The following AUTS2 variants were observed in gnomAD, a reference collection of about 807,000 sequenced individuals.
AUTS2 encodes autism susceptibility gene 2 protein.
AUTS2 carries 17 observed loss-of-function variants against 112.4 expected under a neutral mutation model. That is an observed-to-expected ratio of 0.15 (90% CI 0.10 to 0.23). AUTS2 has a LOEUF of 0.23. AUTS2 is among the 10% of genes least tolerant of loss of function. AUTS2 has a pLI of 1.00. For synonymous variants in AUTS2, 751 were observed against 702.7 expected (o/e 1.07, Z -1.09); for missense variants, 1,510 against 1,701.6 (o/e 0.89, Z 1.98).
In AUTS2 at chr7:70,667,607, C is replaced by T. The variant is rs1368759584; in HGVS notation, c.691-30962C>T. Among the ~76,000 whole-genome samples the T allele has an allele frequency of 2.6e-5, 4 of 152,192 alleles. No individual in the cohort carries two copies. The South Asian group carries it at 6.2e-4, about 24-fold the overall frequency. On this transcript the variant is annotated intron_variant, in intron 5 of 18. Coordinates refer to ENST00000342771, the MANE Select transcript of AUTS2 (RefSeq NM_015570.4). The stretch of plus-strand genomic sequence containing the variant: ...GTTACCAAAGGAATGTGGAAAAGAG[C>T]TTGTTGGCCCATTGCTGATGCTTCT...
intron 6 of AUTS2, among the ~76,000 whole-genome samples, chr7:70,744,205 A>G (rs747474019): frequency 1.3e-5 from 2 of 152,202 alleles, no homozygotes; most frequent in Non-Finnish European, 2.9e-5. Context: ...AGTACTGTCT[A>G]GATCTGAGTA....
intron 5 of AUTS2, among the ~76,000 whole-genome samples, chr7:70,570,432 C>T (rs1423147713): frequency 6.6e-6 from 1 of 152,202 alleles, no homozygotes; most frequent in Non-Finnish European, 1.5e-5. Context: ...TAATTGACTT[C>T]TTCATATTCA....
At chr7:70,120,671 G>T (rs1039555337) in intron 3 of AUTS2, among the ~76,000 whole-genome samples, 4 of 151,980 alleles carry the variant, frequency 2.6e-5, no homozygotes, top group Non-Finnish European at 5.9e-5. Context: ...GGATCTTTTG[G>T]CTTGTTTCCT....
At chr7:70,789,714 C>T in intron 18 of AUTS2, 34 bp from the exon 19 acceptor site, 1 of 1,589,816 alleles carries the variant, frequency 6.3e-7, no homozygotes. Flanking sequence ...CCTTTCATTT[C>T]ATCTGCGTCC....
chr7:69,695,803 T>A (rs1797535184), intron 1 of AUTS2, among the ~76,000 whole-genome samples: 1 of 152,246 alleles, frequency 6.6e-6, no homozygotes, highest in Admixed American at 6.5e-5. Flanking sequence ...ACTCTAATTT[T>A]GAATTTCTTG....
At chr7:70,071,026 A>G (rs1802743496) in intron 2 of AUTS2, among the ~76,000 whole-genome samples, 1 of 152,178 alleles carries the variant, frequency 6.6e-6, no homozygotes, top group African/African-American at 2.4e-5. Context: ...TTAAAATGAA[A>G]TACTGTACTG....
At chr7:70,262,349 C>T (rs1384862922) in intron 4 of AUTS2, among the ~76,000 whole-genome samples, 2 of 152,040 alleles carry the variant, frequency 1.3e-5, no homozygotes, top group African/African-American at 4.8e-5. Context: ...GCCACCACAC[C>T]CAACCAATTT....
intron 1 of AUTS2, among the ~76,000 whole-genome samples, chr7:69,853,123 T>C (rs1189107218): frequency 1.3e-5 from 2 of 152,218 alleles, no homozygotes; most frequent in African/African-American, 4.8e-5. Flanking sequence ...TTAAGTGTAG[T>C]GTGCTATAAA....
chr7:70,069,321 C>G (rs1245712940), intron 2 of AUTS2, among the ~76,000 whole-genome samples: 1 of 152,102 alleles, frequency 6.6e-6, no homozygotes, highest in African/African-American at 2.4e-5. Flanking sequence ...CAGGATGTGC[C>G]AAGCAAGATT....
chr7:69,812,226 G>C (rs1274009734), intron 1 of AUTS2, among the ~76,000 whole-genome samples: 1 of 151,956 alleles, frequency 6.6e-6, no homozygotes, highest in Non-Finnish European at 1.5e-5. Flanking sequence ...CCACATAAAA[G>C]CCATCTTTCC....
intron 5 of AUTS2, among the ~76,000 whole-genome samples, chr7:70,511,561 CTTT>C (rs3974587): frequency 6.8e-3 from 478 of 69,938 alleles, no homozygotes; most frequent in African/African-American, 0.025. Context: ...TTTTCATTTT[CTTT>C]TTTTTTTTTT....
intron 4 of AUTS2, among the ~76,000 whole-genome samples, chr7:70,192,714 C>T (rs1428839152): frequency 6.6e-6 from 1 of 152,138 alleles, no homozygotes; most frequent in African/African-American, 2.4e-5. Flanking sequence ...CCTTATTAGT[C>T]TGAACACATC....
At chr7:70,170,439 T>G (rs1808616194) in intron 4 of AUTS2, among the ~76,000 whole-genome samples, 1 of 152,022 alleles carries the variant, frequency 6.6e-6, no homozygotes, top group South Asian at 2.1e-4. Context: ...TTACAGCCAC[T>G]GCGCCTAGCC....
At chr7:70,411,621 A>C (rs1207135950) in intron 4 of AUTS2, among the ~76,000 whole-genome samples, 1 of 152,200 alleles carries the variant, frequency 6.6e-6, no homozygotes, top group Non-Finnish European at 1.5e-5. Context: ...CATACAGTCA[A>C]CTTATAAAAT....
chr7:70,435,504 G>A (rs1334073193), intron 4 of AUTS2, among the ~76,000 whole-genome samples: 1 of 152,212 alleles, frequency 6.6e-6, no homozygotes, highest in Non-Finnish European at 1.5e-5. Context: ...ACCTGAGGAA[G>A]AGCCACAGAG....
rs770000722 is a variant in AUTS2 at position 70,766,097 on chromosome 7, CTCT to C, written c.1469-10_1469-8del. The C allele has an allele frequency of 1.5e-4, 242 of 1,608,822 alleles. No homozygotes were observed. The highest frequency in any genetic ancestry group is 6.7e-5 in the Admixed American group (4 of 59,882). The stretch of plus-strand genomic sequence containing the variant: ...TGAAGGAAAAGGCGTCATCGTCTCC[CTCT>C]TCTTCTCTTCCAGAGCAAGACATCT... On this transcript the variant is annotated splice_polypyrimidine_tract_variant and intron_variant, in intron 8 of 18. Transcript: ENST00000342771. This position sits in a 1 kb window ranked among gnomAD's most constrained non-coding sequence, Gnocchi z 4.8.
rs146027128 is a variant in AUTS2, at chr7:69,660,273, G to A, written c.309+60311G>A. Reference sequence around the variant, plus strand: ...TTCCTTTTGTACCTATGTGGTTGGTGCTTCTGGGGCTTTTTATAGCAGCTT... The same window carrying A: ...TTCCTTTTGTACCTATGTGGTTGGTACTTCTGGGGCTTTTTATAGCAGCTT... On this transcript the variant is annotated intron_variant, in intron 1 of 18. Coordinates refer to ENST00000342771, the MANE Select transcript of AUTS2 (RefSeq NM_015570.4). 3.1e-3 allele frequency among the ~76,000 whole-genome samples: 471 copies of A among 152,308 alleles called. 2 individuals carry two copies. The highest frequency in any genetic ancestry group is 8.3e-3 in the South Asian group (40 of 4,828).
intron 1 of AUTS2, among the ~76,000 whole-genome samples, chr7:69,726,905 T>G (rs1487232214): frequency 6.6e-6 from 1 of 152,198 alleles, no homozygotes; most frequent in African/African-American, 2.4e-5. Flanking sequence ...CTTTATATAC[T>G]TTGGATACAA....
At chr7:70,557,419 C>T (rs1311530360) in intron 5 of AUTS2, among the ~76,000 whole-genome samples, 2 of 152,218 alleles carry the variant, frequency 1.3e-5, no homozygotes, top group Non-Finnish European at 2.9e-5. Context: ...ACCCACTCCT[C>T]CCCAGCTTAG....
Sources: allele counts gnomAD v4.1 joint callset (sites outside exome capture counted in the v4.1 genomes callset), GRCh38; gene constraint gnomAD v4.1.1; non-coding constraint Gnocchi (gnomAD v3.1); transcripts MANE v1.5; gene names NCBI Gene and HGNC (gene_info 2026-07-23, HGNC 2026-07-21).